TNK2: variants seen among roughly 807,000 people sequenced by gnomAD.
TNK2 encodes the protein tyrosine kinase non receptor 2, also known as activated CDC42 kinase 1.
TNK2 carries 83 observed loss-of-function variants against 101.8 expected under a neutral mutation model. The observed-to-expected ratio is 0.82, with a 90% CI of 0.68 to 0.98. The LOEUF (loss-of-function observed/expected upper bound fraction) is 0.98. TNK2 is among the 50% of genes least tolerant of loss of function. TNK2 has a pLI of 0.00. For missense variants in TNK2, 1,665 were observed against 1,483.2 expected (o/e 1.12, Z -2.01); for synonymous variants, 804 against 633.0 (o/e 1.27, Z -4.06).
At chr3:195,899,482 A>C (rs901340159) in intron 1 of TNK2, among the ~76,000 whole-genome samples, 2 of 151,972 alleles carry the variant, frequency 1.3e-5, no homozygotes. Context: ...GTGCGCCACC[A>C]CGCCCAGCTA....
intron 1 of TNK2, chr3:195,907,956 G>C (rs1051890879): frequency 6.6e-6 from 1 of 152,374 alleles, no homozygotes; most frequent in African/African-American, 2.4e-5. Flanking sequence ...AGCTGTGACA[G>C]GACGGCGTGG....
At chr3:195,869,920 C>A (rs952031104) in intron 11 of TNK2, 194 bp downstream of exon 11, 1 of 563,344 alleles carries the variant, frequency 1.8e-6, no homozygotes. Context: ...CCCGAGGAGG[C>A]CCACCTCGGC....
intron 1 of TNK2, chr3:195,894,627 G>C (rs926885179): frequency 3.9e-5 from 6 of 151,920 alleles, no homozygotes; most frequent in Admixed American, 2.0e-4. Context: ...CGTCTCAGGT[G>C]ATCTGCCCGC....
intron 1 of TNK2, chr3:195,896,268 G>GT: frequency 2.8e-6 from 1 of 360,628 alleles, no homozygotes; most frequent in Non-Finnish European, 5.5e-6. Context: ...TTAGTACCAG[G>GT]TATTTAGGGC....
chr3:195,869,405 G>A, intron 12 of TNK2, 92 bp downstream of exon 12: 1 of 1,324,836 alleles, frequency 7.5e-7, no homozygotes, highest in Non-Finnish European at 1.1e-6. Context: ...CTCCCCTCCG[G>A]CCCAGCCGCC....
rs191292079 is a variant in TNK2, at chr3:195,876,549, G to A, written c.1256+1704C>T. 56 of 456,740 alleles carry A rather than the reference G, an allele frequency of 1.2e-4. No homozygotes were observed. In the East Asian group the frequency reaches 2.4e-3, roughly 20 times the overall value. The allele number at this position is 456,740 out of a possible 1,614,324, so 28.3% of individuals were successfully genotyped here. On this transcript the variant is annotated intron_variant, in intron 9 of 15. Coordinates refer to ENST00000672887, the MANE Select transcript of TNK2 (RefSeq NM_001382273.1). ...GGCAGAGTCAAGCTCTGCCACCACC[G>A]ACACCCAGGCCCGCTCCCAAGCCTC...
Position 195,866,904 on chromosome 3 carries a change from C to A in TNK2, c.3146G>T (p.Gly1049Val). ...GCTCACTCACTTGTGGTGGGCAGGGCCCCAGGAGCCCAGAAGGTGGCAGCC... is the reference window on the plus strand; with the variant it reads ...GCTCACTCACTTGTGGTGGGCAGGGACCCAGGAGCCCAGAAGGTGGCAGCC... ...QAGCHLLGSW[G>V]PAHHKR Residue 1049 changes from glycine (G) to valine (V), a missense_variant, in exon 15 of 16, where the codon GGC (glycine) becomes GTC (valine). By Grantham distance (109) the Gly-to-Val change is moderately radical. Transcript: ENST00000672887. The A allele has an allele frequency of 6.2e-7, 1 of 1,610,920 alleles. No homozygotes were observed. Among genetic ancestry groups the A allele is most frequent in the African/African-American group, 1.3e-5 (1 of 75,010 alleles).
chr3:195,885,553 G>A lies in TNK2; in HGVS notation c.235-520C>T, dbSNP rs1218730135. ...TCGGCTGCCCTTCATCCTGCCCAGG[G>A]GAGAGGATAATTTTAGTCTGAGGTT... On this transcript the variant is annotated intron_variant, in intron 3 of 15. Transcript: ENST00000672887. The surrounding 1 kb of genome is among the most constrained non-coding windows in gnomAD (Gnocchi z 4.7). 24 of 1,291,058 alleles carry A rather than the reference G, an allele frequency of 1.9e-5. No homozygotes were observed. The highest frequency in any genetic ancestry group is 2.4e-5 in the Non-Finnish European group (24 of 989,738). 80.0% of individuals were successfully genotyped at this position (1,291,058 alleles called of 1,614,324 possible).
At chr3:195,871,752 T>G (rs540657794) in intron 10 of TNK2, among the ~76,000 whole-genome samples, 5 of 152,348 alleles carry the variant, frequency 3.3e-5, no homozygotes, top group African/African-American at 1.2e-4. Flanking sequence ...TCAGGACCCC[T>G]GCATCTGAGC....
intron 1 of TNK2, among the ~76,000 whole-genome samples, chr3:195,897,208 C>G (rs2149824018): frequency 6.6e-6 from 1 of 152,378 alleles, no homozygotes; most frequent in African/African-American, 2.4e-5. Flanking sequence ...CAAGGCCAGG[C>G]TGGGTGCCCT....
intron 4 of TNK2, 109 bp from the exon 5 acceptor site, chr3:195,883,418 C>T: frequency 3.0e-6 from 4 of 1,348,126 alleles, no homozygotes; most frequent in Non-Finnish European, 4.1e-6. Flanking sequence ...CTGTGAGCTC[C>T]TCATCTGGGT....
chr3:195,872,242 G>T, intron 10 of TNK2, 34 bp downstream of exon 10: 1 of 1,610,878 alleles, frequency 6.2e-7, no homozygotes, highest in Non-Finnish European at 8.5e-7. Flanking sequence ...CCCGAGCGGG[G>T]CCAGGTCAGC....
At position 195,885,893 on chromosome 3, in the gene TNK2, T is replaced by G; in HGVS notation, c.235-860A>C. 3.7e-6 allele frequency: 1 copy of G among 269,814 alleles called. No homozygotes were observed. The highest frequency in any genetic ancestry group is 3.6e-5 in the South Asian group (1 of 27,506). 16.7% of individuals were successfully genotyped at this position (269,814 alleles called of 1,614,324 possible). A position where few individuals can be genotyped will look rare whatever the true frequency, so the allele number is the denominator to read the frequency against. ...CAGAGCTGGTGGATCCTTATCCGTC[T>G]GGGCTAGGGTGCCTCAAATCTGAGG... On this transcript the variant is annotated intron_variant, in intron 3 of 15. Transcript: ENST00000672887. The surrounding 1 kb of genome is among the most constrained non-coding windows in gnomAD (Gnocchi z 4.7).
rs773597954 is a variant in TNK2 at position 195,868,043 on chromosome 3, G to A, written c.2255C>T (p.Pro752Leu). The A allele has an allele frequency of 1.3e-6, 2 of 1,596,586 alleles. No individual in the cohort carries two copies. The highest frequency in any genetic ancestry group is 1.7e-6 in the Non-Finnish European group (2 of 1,174,982). ...PSPSPGGDDK[P>L]QVPPRVPIPP... ...GATGGGTACCCGAGGAGGCACCTGG[G>A]GCTTGTCGTCACCCCCCGGGCTGGG... Residue 752 changes from proline to leucine, a missense_variant, in exon 13 of 16, where the codon CCC (proline) becomes CTC (leucine). Physicochemically the swap from Pro to Leu is moderately conservative, Grantham distance 98. This residue lies in a region of TNK2 where 1,136 missense variants were observed against 894.9 expected (regional missense o/e 1.27). Transcript: ENST00000672887.
At chr3:195,876,842 A>C (rs1004519362) in intron 9 of TNK2, 47 of 357,600 alleles carry the variant, frequency 1.3e-4, no homozygotes, top group Admixed American at 2.3e-4. Flanking sequence ...GTGACCTAAA[A>C]CACCAGCTCC....
At chr3:195,887,805 C>T (rs1269882290) in intron 2 of TNK2, among the ~76,000 whole-genome samples, 2 of 148,344 alleles carry the variant, frequency 1.3e-5, no homozygotes, top group African/African-American at 2.5e-5. Context: ...GTGTGTATGC[C>T]GTGCGTGTGC....
rs764618490 is a variant in TNK2, at chr3:195,882,392, G to A, written c.610-64C>T. ...ACCCTGCCCCTTCTCAGCAGCCCAC[G>A]CTGGGCCCCCAGTCCCCTTCCTGAA... On this transcript the variant is annotated intron_variant, in intron 5 of 15. Coordinates refer to ENST00000672887, the MANE Select transcript of TNK2 (RefSeq NM_001382273.1). The surrounding 1 kb of genome is among the most constrained non-coding windows in gnomAD (Gnocchi z 4.2). The A allele has an allele frequency of 3.8e-5, 60 of 1,595,852 alleles. No individual in the cohort carries two copies. Among genetic ancestry groups the A allele is most frequent in the East Asian group, 1.4e-4 (6 of 44,086 alleles).
At chr3:195,896,162 G>A (rs1760458823) in intron 1 of TNK2, 2 of 454,756 alleles carry the variant, frequency 4.4e-6, no homozygotes, top group Non-Finnish European at 4.4e-6. Flanking sequence ...GGCCATCGCC[G>A]GCACAGGAAG....
intron 9 of TNK2, among the ~76,000 whole-genome samples, chr3:195,873,667 C>A (rs1747060083): frequency 6.6e-6 from 1 of 152,222 alleles, no homozygotes; most frequent in Non-Finnish European, 1.5e-5. Flanking sequence ...TGAAACCCAG[C>A]CAGGCCGGGG....
Sources: gnomAD v4.1 joint callset for allele counts (sites outside exome capture counted in the v4.1 genomes callset) on GRCh38, gnomAD v4.1.1 for gene constraint, gnomAD v4.1.1 regional missense constraint, Gnocchi (gnomAD v3.1) non-coding constraint, MANE v1.5 for transcripts, NCBI Gene and HGNC (gene_info 2026-07-23, HGNC 2026-07-21) for gene names.